The following ADAMTS18 variants were observed in gnomAD, a reference collection of about 807,000 sequenced individuals.
ADAMTS18 encodes the protein A disintegrin and metalloproteinase with thrombospondin motifs 18.
ADAMTS18 carries 157 observed loss-of-function variants against 165.9 expected under a neutral mutation model. The ratio of observed to expected loss-of-function variants is 0.95; its 90% CI spans 0.83 to 1.08. The LOEUF (loss-of-function observed/expected upper bound fraction) is 1.08. Among genes scored for constraint, ADAMTS18 ranks in the 50% least tolerant of loss-of-function variants. ADAMTS18 has a pLI of 0.00. For missense variants in ADAMTS18, 2,040 were observed against 1,534.0 expected (o/e 1.33, Z -5.51); for synonymous variants, 782 against 578.2 (o/e 1.35, Z -5.06).
intron 3 of ADAMTS18, among the ~76,000 whole-genome samples, chr16:77,415,406 G>C (rs2057517484): frequency 6.6e-6 from 1 of 152,136 alleles, no homozygotes; most frequent in Non-Finnish European, 1.5e-5. Context: ...TTTAATTTCA[G>C]GCATAGCTGC....
At chr16:77,373,214 G>C (rs1163849293) in intron 3 of ADAMTS18, among the ~76,000 whole-genome samples, 2 of 152,128 alleles carry the variant, frequency 1.3e-5, no homozygotes, top group Non-Finnish European at 2.9e-5. Context: ...CTCTCAGCCA[G>C]GTGTGGTGGT....
At chr16:77,349,103 C>T (rs1325032736) in intron 10 of ADAMTS18, among the ~76,000 whole-genome samples, 2 of 152,106 alleles carry the variant, frequency 1.3e-5, no homozygotes, top group Non-Finnish European at 2.9e-5. Flanking sequence ...AGTATGATTC[C>T]ATGCTAGGAA....
At chr16:77,422,701 G>A (rs1475829516) in intron 3 of ADAMTS18, among the ~76,000 whole-genome samples, 2 of 152,046 alleles carry the variant, frequency 1.3e-5, no homozygotes, top group Admixed American at 6.6e-5. Flanking sequence ...TTATTCCAGA[G>A]CCAAAAAAAT....
intron 16 of ADAMTS18, among the ~76,000 whole-genome samples, chr16:77,308,948 T>G (rs2055730668): frequency 6.6e-6 from 1 of 152,144 alleles, no homozygotes; most frequent in Non-Finnish European, 1.5e-5. Context: ...CCAAACCCAA[T>G]AAAATAAACA....
intron 3 of ADAMTS18, among the ~76,000 whole-genome samples, chr16:77,413,228 A>G (rs774172415): frequency 1.3e-5 from 2 of 152,148 alleles, no homozygotes; most frequent in East Asian, 3.8e-4. Context: ...CCTCATTTCA[A>G]GTATTCCTGA....
At chr16:77,415,088 C>T (rs1753977312) in intron 3 of ADAMTS18, among the ~76,000 whole-genome samples, 1 of 152,162 alleles carries the variant, frequency 6.6e-6, no homozygotes, top group African/African-American at 2.4e-5. Flanking sequence ...CTGTGAGGAA[C>T]AAATATTGAC....
At chr16:77,378,212 C>G (rs771955430) in intron 3 of ADAMTS18, among the ~76,000 whole-genome samples, 1 of 151,948 alleles carries the variant, frequency 6.6e-6, no homozygotes, top group Non-Finnish European at 1.5e-5. Flanking sequence ...ATAGTCCCAG[C>G]TACTCAGGAG....
chr16:77,360,210 A>G (rs1448875294), intron 7 of ADAMTS18, among the ~76,000 whole-genome samples: 1 of 152,230 alleles, frequency 6.6e-6, no homozygotes, highest in Non-Finnish European at 1.5e-5. Context: ...AAAGGCACAA[A>G]TAAGGGGTGG....
At chr16:77,333,492 C>CAA (rs61412792) in intron 12 of ADAMTS18, among the ~76,000 whole-genome samples, 36,714 of 141,036 alleles carry the variant, frequency 0.26, 5,516 homozygotes, top group East Asian at 0.61. Flanking sequence ...AAAGAAATAC[C>CAA]AAAAAAAAAA....
At chr16:77,312,439 T>C (rs377332631) in intron 16 of ADAMTS18, among the ~76,000 whole-genome samples, 1 of 152,256 alleles carries the variant, frequency 6.6e-6, no homozygotes, top group Admixed American at 6.5e-5. Context: ...GGGTTCACCA[T>C]GTTGGCTGGG....
chr16:77,300,392 C>T lies in ADAMTS18; in HGVS notation c.2545G>A (p.Gly849Ser), dbSNP rs767687154. ...TTCCAAGCTATCCCTGGATTTTTGC[C>T]TTGCATCAGAATCTGGACAGTGTAA... is the stretch of plus-strand genomic sequence containing the variant. ...ETLVFEILMQGKNPGIAWKYA... is the reference protein window; with the variant it reads ...ETLVFEILMQSKNPGIAWKYA... The change falls in exon 17 of 23, where the codon GGC (glycine) becomes AGC (serine). Residue 849 changes from glycine to serine, a missense_variant. Transcript: ENST00000282849. The T allele has an allele frequency of 3.7e-6, 6 of 1,614,058 alleles. No homozygotes were observed. The South Asian group carries it at 6.6e-5, about 18-fold the overall frequency.
intron 9 of ADAMTS18, among the ~76,000 whole-genome samples, chr16:77,355,369 T>A (rs1025965300): frequency 6.6e-6 from 1 of 152,232 alleles, no homozygotes; most frequent in African/African-American, 2.4e-5. Context: ...TGGCTATCAT[T>A]TGGACATAAA....
intron 11 of ADAMTS18, among the ~76,000 whole-genome samples, chr16:77,338,419 T>G (rs1177928463): frequency 6.6e-6 from 1 of 151,688 alleles, no homozygotes; most frequent in Non-Finnish European, 1.5e-5. Flanking sequence ...GTATTTTTAG[T>G]AGAGATGGAA....
At chr16:77,409,288 C>A (rs994386651) in intron 3 of ADAMTS18, among the ~76,000 whole-genome samples, 1 of 152,024 alleles carries the variant, frequency 6.6e-6, no homozygotes, top group Non-Finnish European at 1.5e-5. Flanking sequence ...GCAGAAGCAC[C>A]TTGCAAACTA....
At position 77,319,859 on chromosome 16, in the gene ADAMTS18, A is replaced by C; in HGVS notation, c.2522T>G (p.Leu841Arg). Residue 841 changes from leucine (L) to arginine (R), a missense_variant, in exon 16 of 23, where the codon CTG (leucine) becomes CGG (arginine). By Grantham distance (102) the Leu-to-Arg change is moderately radical. Transcript: ENST00000282849. Reference protein sequence around the residue: ...LYAPGPTNETLVFEILMQGKN... With the variant: ...LYAPGPTNETRVFEILMQGKN... ...ACAGAAGGGGCTTACTTCAAAGACC[A>C]GCGTCTCATTTGTGGGCCCTGGCGC... 6.2e-7 allele frequency: 1 copy of C among 1,614,170 alleles called. No homozygotes were observed. The highest frequency in any genetic ancestry group is 1.1e-5 in the South Asian group (1 of 91,086).
intron 18 of ADAMTS18, among the ~76,000 whole-genome samples, chr16:77,296,644 AC>A (rs1303234350): frequency 6.6e-6 from 1 of 152,120 alleles, no homozygotes; most frequent in African/African-American, 2.4e-5. Context: ...ACATGGCAAA[AC>A]CCCGTCTCTA....
chr16:77,342,213 T>C (rs2056409061), intron 10 of ADAMTS18, among the ~76,000 whole-genome samples: 4 of 152,206 alleles, frequency 2.6e-5, no homozygotes, highest in Admixed American at 2.6e-4. Context: ...GGAATCCCTT[T>C]CAGTTGCAGT....
chr16:77,377,726 A>C (rs969369404), intron 3 of ADAMTS18, among the ~76,000 whole-genome samples: 2 of 152,230 alleles, frequency 1.3e-5, no homozygotes, highest in African/African-American at 4.8e-5. Flanking sequence ...TGCAACAACT[A>C]AAAAATGCTC....
At chr16:77,407,987 G>A (rs917482103) in intron 3 of ADAMTS18, among the ~76,000 whole-genome samples, 6 of 151,970 alleles carry the variant, frequency 3.9e-5, no homozygotes, top group African/African-American at 1.4e-4. Flanking sequence ...ATACCAGGAT[G>A]TACAAGAAAA....
Sources: allele counts gnomAD v4.1 joint callset (sites outside exome capture counted in the v4.1 genomes callset), GRCh38; gene constraint gnomAD v4.1.1; transcripts MANE v1.5; gene names NCBI Gene and HGNC (gene_info 2026-07-23, HGNC 2026-07-21).